Variants in DCDC1 observed in about 807,000 individuals in gnomAD.
The protein encoded by DCDC1 is doublecortin domain-containing protein 1.
In DCDC1, 200 loss-of-function variants were observed where a neutral mutation model predicts 178.3. The observed-to-expected ratio is 1.12, with a 90% CI of 1.00 to 1.26. The LOEUF (loss-of-function observed/expected upper bound fraction) is 1.26. Among genes scored for constraint, DCDC1 ranks in the 50% most tolerant of loss-of-function variants. The pLI is 0.00. For missense variants in DCDC1, 1,983 were observed against 1,749.2 expected (o/e 1.13, Z -2.38); for synonymous variants, 690 against 604.8 (o/e 1.14, Z -2.07).
intron 8 of DCDC1, among the ~76,000 whole-genome samples, chr11:31,258,417 A>G (rs902869499): frequency 1.3e-5 from 2 of 152,164 alleles, no homozygotes; most frequent in Non-Finnish European, 2.9e-5. Flanking sequence ...ATGGACCAGA[A>G]AGCAAAAGGA....
At chr11:31,228,400 G>A (rs1975293106) in intron 9 of DCDC1, among the ~76,000 whole-genome samples, 1 of 152,052 alleles carries the variant, frequency 6.6e-6, no homozygotes, top group African/African-American at 2.4e-5. Context: ...AATTTGTTAG[G>A]CATAGCAAAA....
intron 20 of DCDC1, among the ~76,000 whole-genome samples, chr11:31,048,798 A>G (rs1213895244): frequency 1.3e-5 from 2 of 152,216 alleles, no homozygotes; most frequent in Non-Finnish European, 2.9e-5. Flanking sequence ...CGGGGCTTGC[A>G]GTCCGCTGAG....
At chr11:31,223,593 G>A (rs1358678294) in intron 9 of DCDC1, among the ~76,000 whole-genome samples, 1 of 152,080 alleles carries the variant, frequency 6.6e-6, no homozygotes, top group African/African-American at 2.4e-5. Flanking sequence ...AATTTGGAAA[G>A]ACACTAAATG....
intron 17 of DCDC1, among the ~76,000 whole-genome samples, chr11:31,083,155 G>T (rs1220900204): frequency 5.9e-5 from 9 of 151,976 alleles, no homozygotes; most frequent in Admixed American, 5.2e-4. Flanking sequence ...TCCATTTTTA[G>T]CAAGACCTAA....
intron 9 of DCDC1, among the ~76,000 whole-genome samples, chr11:31,181,093 C>T (rs1003749831): frequency 1.3e-5 from 2 of 152,118 alleles, no homozygotes; most frequent in Non-Finnish European, 2.9e-5. Context: ...TAAACAAAGC[C>T]GCCGGTAAGT....
chr11:31,003,709 A>G (rs1951694015), intron 20 of DCDC1, among the ~76,000 whole-genome samples: 1 of 152,250 alleles, frequency 6.6e-6, no homozygotes, highest in African/African-American at 2.4e-5. Context: ...AGTGAAAACA[A>G]GAACATCTGG....
intron 17 of DCDC1, among the ~76,000 whole-genome samples, chr11:31,087,873 T>G (rs993436340): frequency 2.0e-5 from 3 of 152,172 alleles, no homozygotes; most frequent in Admixed American, 6.5e-5. Flanking sequence ...ATCTATATCC[T>G]TACAGATTTT....
intron 20 of DCDC1, among the ~76,000 whole-genome samples, chr11:30,974,894 C>T (rs1950018145): frequency 6.6e-6 from 1 of 152,020 alleles, no homozygotes; most frequent in African/African-American, 2.4e-5. Flanking sequence ...ACCTTAATAC[C>T]AAAACCAGAC....
intron 11 of DCDC1, among the ~76,000 whole-genome samples, chr11:31,123,672 T>A (rs970910346): frequency 1.3e-5 from 2 of 151,972 alleles, no homozygotes; most frequent in African/African-American, 4.8e-5. Context: ...AGAAGCTAGA[T>A]GTTGCAAAGG....
Position 31,000,138 on chromosome 11 carries a change from A to C in DCDC1, c.2592-47570T>G, listed in dbSNP as rs376320656. Among the ~76,000 whole-genome samples the C allele has an allele frequency of 7.2e-5, 11 of 152,352 alleles. No homozygotes were observed. In the East Asian group the frequency reaches 1.5e-3, roughly 21 times the overall value. On this transcript the variant is annotated intron_variant, in intron 20 of 38. Coordinates refer to ENST00000684477, the MANE Select transcript of DCDC1 (RefSeq NM_001387274.1). ...GCATCTAAAAAATCATCTGGTTAAG[A>C]GTAATGAATCTTCCTTCAGACAAAC...
intron 2 of DCDC1, among the ~76,000 whole-genome samples, chr11:31,335,192 A>G (rs574042699): frequency 1.2e-4 from 19 of 152,152 alleles, no homozygotes; most frequent in Non-Finnish European, 2.6e-4. Flanking sequence ...CTCCGTGGGC[A>G]TGGGACCCAC....
chr11:31,097,958 C>A (rs982851518), intron 15 of DCDC1, among the ~76,000 whole-genome samples: 3 of 152,102 alleles, frequency 2.0e-5, no homozygotes, highest in African/African-American at 7.2e-5. Flanking sequence ...ACTGAATTTA[C>A]AAGCTAAATT....
intron 38 of DCDC1, among the ~76,000 whole-genome samples, chr11:30,872,313 C>T (rs1174651003): frequency 1.3e-5 from 2 of 152,030 alleles, no homozygotes; most frequent in African/African-American, 4.8e-5. Flanking sequence ...TGAAATACAG[C>T]TAGTCTGAAT....
rs369386473 is a variant in DCDC1 at position 31,302,878 on chromosome 11, A to T, written c.754+2737T>A. Among the ~76,000 whole-genome samples the T allele has an allele frequency of 5.3e-5, 8 of 152,358 alleles. No homozygotes were observed. In the East Asian group the frequency reaches 1.2e-3, roughly 22 times the overall value. On this transcript the variant is annotated intron_variant, in intron 6 of 38. Transcript: ENST00000684477. ...ATCTACACTGCTTTTCCAATGAATAAGGAAAACCACTGAAGTATAGATATA... is the reference window on the plus strand; with the variant it reads ...ATCTACACTGCTTTTCCAATGAATATGGAAAACCACTGAAGTATAGATATA...
At chr11:31,112,675 T>C (rs1053307019) in intron 11 of DCDC1, among the ~76,000 whole-genome samples, 3 of 152,128 alleles carry the variant, frequency 2.0e-5, no homozygotes, top group African/African-American at 7.2e-5. Context: ...CATGTAGAAA[T>C]AGGAATAAGT....
intron 9 of DCDC1, among the ~76,000 whole-genome samples, chr11:31,150,699 A>T (rs1965076075): frequency 6.6e-6 from 1 of 152,130 alleles, no homozygotes; most frequent in Non-Finnish European, 1.5e-5. Context: ...TTACTACTGT[A>T]CTTATTTCTT....
At chr11:30,898,971 T>C (rs974656786) in intron 34 of DCDC1, among the ~76,000 whole-genome samples, 5 of 152,172 alleles carry the variant, frequency 3.3e-5, no homozygotes, top group African/African-American at 9.6e-5. Flanking sequence ...CCTAAGATTC[T>C]GTGTTAAAGA....
chr11:31,050,195 T>A (rs1330211723), intron 20 of DCDC1, among the ~76,000 whole-genome samples: 2 of 152,112 alleles, frequency 1.3e-5, no homozygotes, highest in Admixed American at 1.3e-4. Flanking sequence ...GCCCTTCAGT[T>A]TGCATGGGAG....
At chr11:30,991,936 T>C (rs1231893606) in intron 20 of DCDC1, among the ~76,000 whole-genome samples, 1 of 152,170 alleles carries the variant, frequency 6.6e-6, no homozygotes, top group Non-Finnish European at 1.5e-5. Context: ...ATCATATACT[T>C]CACCCACATA....
Sources: gnomAD v4.1 joint callset for allele counts (sites outside exome capture counted in the v4.1 genomes callset) on GRCh38, gnomAD v4.1.1 for gene constraint, MANE v1.5 for transcripts, NCBI Gene and HGNC (gene_info 2026-07-23, HGNC 2026-07-21) for gene names.